The following NSD1 variants were observed in gnomAD, a reference collection of about 807,000 sequenced individuals.
The protein encoded by NSD1 is nuclear receptor binding SET domain protein 1.
In NSD1, 26 loss-of-function variants were observed where a neutral mutation model predicts 242.7. That is an observed-to-expected ratio of 0.11 (90% confidence interval 0.08 to 0.15). The LOEUF (loss-of-function observed/expected upper bound fraction) is 0.15, where lower values mean the gene tolerates loss of function less well. Ranked by LOEUF, NSD1 falls within the 10% of genes least tolerant of loss-of-function variation. The probability of loss-of-function intolerance (pLI) is 1.00; values close to 1 mark genes in which losing one functional copy is unlikely to be tolerated. For synonymous variants in NSD1, 1,106 were observed against 1,178.1 expected (o/e 0.94, Z 1.25); for missense variants, 2,495 against 3,272.8 (o/e 0.76, Z 5.80).
intron 20 of NSD1, among the ~76,000 whole-genome samples, chr5:177,287,238 A>G (rs1759407175): frequency 6.6e-6 from 1 of 152,282 alleles, no homozygotes; most frequent in Non-Finnish European, 1.5e-5. Flanking sequence ...GCAGCAAGTT[A>G]TGACAAGTAT....
chr5:177,216,382 G>C (rs1763773210), intron 5 of NSD1, among the ~76,000 whole-genome samples: 1 of 151,562 alleles, frequency 6.6e-6, no homozygotes, highest in Non-Finnish European at 1.5e-5. Flanking sequence ...CTTGTGCTTT[G>C]GGTCTCATAG....
At chr5:177,249,709 G>A (rs919409870) in intron 11 of NSD1, among the ~76,000 whole-genome samples, 1 of 152,094 alleles carries the variant, frequency 6.6e-6, no homozygotes, top group Non-Finnish European at 1.5e-5. Context: ...GGATGGTCTC[G>A]ATCTCCTGAC....
chr5:177,139,508 A>G (rs1756633010), intron 2 of NSD1, among the ~76,000 whole-genome samples: 1 of 152,114 alleles, frequency 6.6e-6, no homozygotes, highest in Admixed American at 6.6e-5. Flanking sequence ...ACAGCTTGAG[A>G]AAAGTGTAAT....
chr5:177,217,927 C>G (rs1226434615), intron 5 of NSD1, among the ~76,000 whole-genome samples: 2 of 151,596 alleles, frequency 1.3e-5, no homozygotes, highest in African/African-American at 2.4e-5. Flanking sequence ...CTCGGCCTCC[C>G]AAAGTGTAGA....
intron 2 of NSD1, among the ~76,000 whole-genome samples, chr5:177,174,539 C>T (rs1249957941): frequency 6.6e-6 from 1 of 150,796 alleles, no homozygotes; most frequent in Admixed American, 6.6e-5. Flanking sequence ...AATCAATGCA[C>T]CATTGCCCAA....
upstream of NSD1, chr5:177,133,576 C>T (rs1298966882): frequency 2.7e-5 from 4 of 150,184 alleles, no homozygotes; most frequent in Non-Finnish European, 5.9e-5. This position sits in a 1 kb window ranked among gnomAD's most constrained non-coding sequence, Gnocchi z 6.2. Flanking sequence ...GCAGCGGCAG[C>T]TCCGCTGATT....
At chr5:177,152,666 A>G (rs1468368716) in intron 2 of NSD1, among the ~76,000 whole-genome samples, 3 of 150,756 alleles carry the variant, frequency 2.0e-5, no homozygotes, top group African/African-American at 4.9e-5. Context: ...GGGTTTCACC[A>G]TGTTAGCCAG....
rs189386333 is a variant in NSD1, at chr5:177,187,716, G to A, written c.928-4168G>A. On this transcript the variant is annotated intron_variant, in intron 2 of 22. Transcript: ENST00000439151. ...GATTGTGTTCTGTCTGTGTTTTCAC[G>A]TTGTCTTCCCTCTATTTGTGCCTGT... Among the ~76,000 whole-genome samples, 19 of 152,216 alleles carry A rather than the reference G, an allele frequency of 1.2e-4. No individual in the cohort carries two copies. In the East Asian group the frequency reaches 1.7e-3, roughly 14 times the overall value.
At chr5:177,148,101 A>G (rs934197728) in intron 2 of NSD1, among the ~76,000 whole-genome samples, 3 of 151,206 alleles carry the variant, frequency 2.0e-5, no homozygotes, top group African/African-American at 7.3e-5. Flanking sequence ...GCAGTATTAT[A>G]TGGTAATGGC....
intron 3 of NSD1, 121 bp downstream of exon 3, chr5:177,192,140 AT>A: frequency 1.2e-6 from 1 of 853,906 alleles, no homozygotes; most frequent in Non-Finnish European, 1.7e-6. Flanking sequence ...TTGGTGTTAC[AT>A]ATTTTATCTT....
intron 11 of NSD1, among the ~76,000 whole-genome samples, chr5:177,250,079 C>G (rs934642444): frequency 6.6e-6 from 1 of 152,210 alleles, no homozygotes; most frequent in African/African-American, 2.4e-5. Flanking sequence ...GAGACCCTAT[C>G]TCACAAATAA....
chr5:177,295,619 C>A lies in NSD1; in HGVS notation c.*160C>A. ...ATCCCAACACTCAGAACTCTTGTGA[C>A]ATTAGCCAGTGGGGGCTTATGGTTG... is the stretch of plus-strand genomic sequence containing the variant. On this transcript the variant is annotated 3_prime_UTR_variant, in exon 23 of 23. Coordinates refer to ENST00000439151, the MANE Select transcript of NSD1 (RefSeq NM_022455.5). This position sits in a 1 kb window ranked among gnomAD's most constrained non-coding sequence, Gnocchi z 4.3. The A allele has an allele frequency of 1.2e-6, 1 of 815,260 alleles. No individual in the cohort carries two copies. Among genetic ancestry groups the A allele is most frequent in the Non-Finnish European group, 2.0e-6 (1 of 493,236 alleles). 50.5% of individuals were successfully genotyped at this position (815,260 alleles called of 1,614,324 possible).
intron 2 of NSD1, among the ~76,000 whole-genome samples, chr5:177,173,466 CTTTTTTTTTTTTT>C (rs768982432): frequency 8.0e-5 from 5 of 62,174 alleles, no homozygotes; most frequent in Non-Finnish European, 1.4e-4. Context: ...TACTATCTGG[CTTTTTTTTTTTTT>C]TTTTTTTTTT....
chr5:177,182,231 C>A (rs529568395), intron 2 of NSD1, among the ~76,000 whole-genome samples: 1 of 152,044 alleles, frequency 6.6e-6, no homozygotes, highest in Non-Finnish European at 1.5e-5. Context: ...GCTAGAGGAC[C>A]GCTGGAACCC....
chr5:177,146,205 G>GTT (rs34454786), intron 2 of NSD1, among the ~76,000 whole-genome samples: 105 of 114,990 alleles, frequency 9.1e-4, no homozygotes, highest in Non-Finnish European at 1.3e-3. Flanking sequence ...TTCACCAATC[G>GTT]TTTTTTTTTT....
At chr5:177,288,496 G>GT (rs1249954950) in intron 20 of NSD1, 2 of 322,724 alleles carry the variant, frequency 6.2e-6, no homozygotes, top group African/African-American at 2.2e-5. Flanking sequence ...TTGATAAGTT[G>GT]TTTTTTGTTT....
Position 177,269,713 on chromosome 5 carries a change from G to A in NSD1, c.5415G>A (p.Leu1805=). Residue 1805 remains leucine, a synonymous_variant, in exon 16 of 23, where the codon TTG becomes TTA. Coordinates refer to ENST00000439151, the MANE Select transcript of NSD1 (RefSeq NM_022455.5). The surrounding 1 kb of genome is among the most constrained non-coding windows in gnomAD (Gnocchi z 5.1). The part of the protein sequence containing the change: ...PVLFFGSNDY[L]WTHQARVFPY... Reference sequence around the variant, plus strand: ...TCTTTTTTGGATCTAATGACTATTTGTGGACTCACCAGGCCCGAGTCTTCC... The same window carrying A: ...TCTTTTTTGGATCTAATGACTATTTATGGACTCACCAGGCCCGAGTCTTCC... The A allele has an allele frequency of 6.2e-7, 1 of 1,614,016 alleles. No homozygotes were observed. The highest frequency in any genetic ancestry group is 8.5e-7 in the Non-Finnish European group (1 of 1,180,014).
At chr5:177,199,616 T>C (rs879064314) in intron 3 of NSD1, among the ~76,000 whole-genome samples, 8 of 151,790 alleles carry the variant, frequency 5.3e-5, no homozygotes, top group African/African-American at 1.9e-4. Flanking sequence ...TTTCTTTTTT[T>C]TTGAGATGGA....
At chr5:177,263,930 T>C (rs1757194343) in intron 14 of NSD1, among the ~76,000 whole-genome samples, 1 of 152,152 alleles carries the variant, frequency 6.6e-6, no homozygotes, top group Admixed American at 6.6e-5. Flanking sequence ...GACAATTTCT[T>C]AGTACTTACT....
Sources: gnomAD v4.1 joint callset for allele counts (sites outside exome capture counted in the v4.1 genomes callset) on GRCh38, gnomAD v4.1.1 for gene constraint, Gnocchi (gnomAD v3.1) non-coding constraint, MANE v1.5 for transcripts, NCBI Gene and HGNC (gene_info 2026-07-23, HGNC 2026-07-21) for gene names.